ATP2C1: variants seen among roughly 807,000 people sequenced by gnomAD.
ATP2C1 encodes calcium-transporting ATPase type 2C member 1.
Under a neutral mutation model 120.5 loss-of-function variants are expected in ATP2C1, and 31 were observed. That is an observed-to-expected ratio of 0.26 (90% CI 0.19 to 0.35). The LOEUF (loss-of-function observed/expected upper bound fraction) is 0.35, where lower values mean the gene tolerates loss of function less well. ATP2C1 is among the 10% of genes least tolerant of loss of function. ATP2C1 has a pLI of 1.00. For synonymous variants in ATP2C1, 351 were observed against 358.7 expected, an observed-to-expected ratio of 0.98 and a Z score of 0.24; for missense variants, 731 against 1,107.5, an observed-to-expected ratio of 0.66 and a Z score of 4.83.
intron 1 of ATP2C1, among the ~76,000 whole-genome samples, chr3:130,860,306 A>G (rs1424659769): frequency 6.6e-6 from 1 of 152,254 alleles, no homozygotes; most frequent in African/African-American, 2.4e-5. Context: ...AGAAAACAAA[A>G]TGAAAATACC....
At position 130,895,209 on chromosome 3, in the gene ATP2C1, C is replaced by G. The variant is rs184063273; in HGVS notation, c.6+434C>G. On this transcript the variant is annotated intron_variant, in intron 2 of 27. Coordinates refer to ENST00000510168, the MANE Select transcript of ATP2C1 (RefSeq NM_001378687.1). The stretch of plus-strand genomic sequence containing the variant: ...CAGGATTCATTTATAAGAAAGCAAG[C>G]CATGTTTTATTATGTCTAGCATTGG... Among the ~76,000 whole-genome samples, 5 of 152,188 alleles carry G rather than the reference C, an allele frequency of 3.3e-5. No individual in the cohort carries two copies. In the East Asian group the frequency reaches 9.6e-4, roughly 29 times the overall value.
intron 2 of ATP2C1, among the ~76,000 whole-genome samples, chr3:130,909,383 T>C (rs562808888): frequency 1.1e-4 from 17 of 152,360 alleles, no homozygotes; most frequent in African/African-American, 3.8e-4. Flanking sequence ...TCATGTAACA[T>C]ATCTTAAAAT....
chr3:131,002,674 C>T lies in ATP2C1; in HGVS notation c.*1324C>T. On this transcript the variant is annotated 3_prime_UTR_variant, in exon 28 of 28. Transcript: ENST00000510168. ...AAACAAAAATTGGTCCCAATTCTAA[C>T]AGGTTTAATCCTTCTTGAAGCCAAT... The T allele has an allele frequency of 1.0e-6, 1 of 985,344 alleles. No homozygotes were observed. Among genetic ancestry groups the T allele is most frequent in the South Asian group, 4.7e-5 (1 of 21,280 alleles). 61.0% of individuals were successfully genotyped at this position (985,344 alleles called of 1,614,324 possible).
chr3:130,997,874 T>G (rs1030488016), intron 25 of ATP2C1, 121 bp downstream of exon 25: 157 of 971,160 alleles, frequency 1.6e-4, no homozygotes, highest in Non-Finnish European at 2.3e-4. Context: ...TAGTGAAAAA[T>G]ATAAGAACAT....
At chr3:130,890,045 T>A (rs2069119985), upstream of ATP2C1, among the ~76,000 whole-genome samples, 3 of 152,300 alleles carry the variant, frequency 2.0e-5, no homozygotes, top group South Asian at 6.2e-4. Context: ...TGTTATTCAT[T>A]CAACAAAAAA....
chr3:130,851,926 T>C (rs921020739), intron 1 of ATP2C1, among the ~76,000 whole-genome samples: 3 of 152,342 alleles, frequency 2.0e-5, no homozygotes, highest in South Asian at 4.1e-4. Context: ...AAATGCAAGA[T>C]AGGTTTAGCA....
At chr3:130,930,261 A>G in intron 2 of ATP2C1, 155 bp from the exon 3 acceptor site, 1 of 680,086 alleles carries the variant, frequency 1.5e-6, no homozygotes, top group South Asian at 1.5e-5. Flanking sequence ...TTAGTATAAA[A>G]TTGTCTTTCC....
At chr3:130,945,584 C>T (rs1171517713) in intron 8 of ATP2C1, among the ~76,000 whole-genome samples, 1 of 143,410 alleles carries the variant, frequency 7.0e-6, no homozygotes, top group East Asian at 2.1e-4. Context: ...TCTCATTGTT[C>T]AATTCCCACG....
downstream of ATP2C1, among the ~76,000 whole-genome samples, chr3:131,003,660 C>G (rs2062992503): frequency 1.3e-5 from 2 of 152,144 alleles, no homozygotes; most frequent in African/African-American, 4.8e-5. Context: ...CCCGAAGACC[C>G]TCCCCTCTCA....
chr3:130,923,337 C>CAA (rs2059052314), intron 2 of ATP2C1, among the ~76,000 whole-genome samples: 1 of 151,962 alleles, frequency 6.6e-6, no homozygotes, highest in African/African-American at 2.4e-5. Context: ...AGCAATTCTC[C>CAA]TGCCTCAGCC....
intron 2 of ATP2C1, among the ~76,000 whole-genome samples, chr3:130,908,097 A>C (rs922139804): frequency 2.0e-5 from 3 of 152,090 alleles, no homozygotes; most frequent in Non-Finnish European, 4.4e-5. Context: ...TCTTGGCTAG[A>C]CTGTGGGGAA....
chr3:130,901,022 G>A, intron 2 of ATP2C1, among the ~76,000 whole-genome samples: 1 of 152,128 alleles, frequency 6.6e-6, no homozygotes, highest in East Asian at 1.9e-4. Context: ...GCTTAATTAA[G>A]CTTGGGAGTT....
intron 26 of ATP2C1, among the ~76,000 whole-genome samples, chr3:131,009,799 G>A (rs931549720): frequency 6.6e-6 from 1 of 152,080 alleles, no homozygotes; most frequent in Non-Finnish European, 1.5e-5. Context: ...ATTTCAAATT[G>A]GTACAAGATG....
intron 11 of ATP2C1, among the ~76,000 whole-genome samples, chr3:130,958,229 T>G (rs2060664870): frequency 1.4e-5 from 2 of 146,870 alleles, no homozygotes; most frequent in Admixed American, 1.4e-4. Context: ...TCAGCAATTG[T>G]TTTTTTTTGT....
intron 24 of ATP2C1, among the ~76,000 whole-genome samples, 170 bp from the exon 25 acceptor site, chr3:130,997,436 A>T (rs1470989240): frequency 2.0e-5 from 3 of 152,222 alleles, no homozygotes; most frequent in Non-Finnish European, 4.4e-5. Context: ...AGAAAAAGTG[A>T]CAAAATCAGT....
At chr3:130,991,223 C>T (rs1286061058) in intron 20 of ATP2C1, among the ~76,000 whole-genome samples, 1 of 151,900 alleles carries the variant, frequency 6.6e-6, no homozygotes, top group African/African-American at 2.4e-5. Context: ...GTAGTGGAAG[C>T]CAAGGGAAGA....
At chr3:130,952,320 A>G (rs1482501719) in intron 8 of ATP2C1, among the ~76,000 whole-genome samples, 1 of 152,188 alleles carries the variant, frequency 6.6e-6, no homozygotes, top group East Asian at 1.9e-4. Context: ...GCAGTAATAA[A>G]TATTTGTTAA....
chr3:130,903,660 CT>C (rs1490948618), intron 2 of ATP2C1, among the ~76,000 whole-genome samples: 1 of 151,044 alleles, frequency 6.6e-6, no homozygotes, highest in Non-Finnish European at 1.5e-5. Flanking sequence ...CCCCCCTTTC[CT>C]TTCCTTTTTC....
At chr3:130,982,392 C>T (rs1423795586) in intron 20 of ATP2C1, among the ~76,000 whole-genome samples, 1 of 152,196 alleles carries the variant, frequency 6.6e-6, no homozygotes, top group African/African-American at 2.4e-5. Flanking sequence ...GCCAGGTTCC[C>T]TGATATGAGA....
Sources: gnomAD v4.1 joint callset for allele counts (sites outside exome capture counted in the v4.1 genomes callset) on GRCh38, gnomAD v4.1.1 for gene constraint, MANE v1.5 for transcripts, NCBI Gene and HGNC (gene_info 2026-07-23, HGNC 2026-07-21) for gene names.